The following PCDH11X variants were observed in gnomAD, a reference collection of about 807,000 sequenced individuals.
PCDH11X encodes protocadherin-11 X-linked.
PCDH11X carries 18 observed loss-of-function variants against 53.3 expected under a neutral mutation model. The observed-to-expected ratio is 0.34, with a 90% CI of 0.23 to 0.50. The LOEUF is 0.50. Among genes scored for constraint, PCDH11X ranks in the 20% least tolerant of loss-of-function variants. The probability of loss-of-function intolerance (pLI) is 0.98; values close to 1 mark genes in which losing one functional copy is unlikely to be tolerated. For synonymous variants in PCDH11X, 279 were observed against 393.3 expected (o/e 0.71, Z 3.44); for missense variants, 570 against 1,032.4 (o/e 0.55, Z 6.14).
intron 6 of PCDH11X, among the ~76,000 whole-genome samples, chrX:91,967,325 C>A (rs2061880852): frequency 9.1e-6 from 1 of 110,434 alleles, no homozygotes; most frequent in Non-Finnish European, 1.9e-5. Context: ...CCAGGCTGCA[C>A]AGCAGGAGGT....
chrX:92,272,031 T>G (rs1263934133), intron 8 of PCDH11X, among the ~76,000 whole-genome samples: 1 of 111,955 alleles, frequency 8.9e-6, no homozygotes, highest in African/African-American at 3.2e-5. Context: ...ATCTTTTCTG[T>G]TTTTATGACA....
intron 6 of PCDH11X, among the ~76,000 whole-genome samples, chrX:91,933,770 G>A (rs919373813): frequency 2.7e-5 from 3 of 111,294 alleles, no homozygotes; most frequent in Admixed American, 9.6e-5. Flanking sequence ...GGGAAAGTTG[G>A]TGTGAAGAAA....
At chrX:92,052,285 A>T (rs928047663) in intron 6 of PCDH11X, among the ~76,000 whole-genome samples, 79 of 106,761 alleles carry the variant, frequency 7.4e-4, no homozygotes, top group Non-Finnish European at 1.3e-3. Flanking sequence ...CAATCCCAAT[A>T]AAGTCCAGTT....
At chrX:91,937,718 G>A (rs1258966831) in intron 6 of PCDH11X, among the ~76,000 whole-genome samples, 1 of 110,871 alleles carries the variant, frequency 9.0e-6, no homozygotes, top group African/African-American at 3.3e-5. Flanking sequence ...TGTCTTTAGC[G>A]ACTGTATAAG....
chrX:91,984,907 C>A (rs968278205), intron 6 of PCDH11X, among the ~76,000 whole-genome samples: 1 of 111,321 alleles, frequency 9.0e-6, no homozygotes, highest in African/African-American at 3.3e-5. Context: ...AAGACCTTAG[C>A]CTTGTGCCTT....
intron 8 of PCDH11X, among the ~76,000 whole-genome samples, chrX:92,345,764 C>T (rs1318375549): frequency 9.1e-6 from 1 of 110,194 alleles, no homozygotes; most frequent in Non-Finnish European, 1.9e-5. Context: ...TTTGAAGTTA[C>T]TCTGCAAGTT....
intron 7 of PCDH11X, among the ~76,000 whole-genome samples, chrX:92,208,535 A>ATG (rs1337314624): frequency 6.5e-5 from 5 of 76,669 alleles, no homozygotes; most frequent in Non-Finnish European, 1.3e-4. Flanking sequence ...ATATATATAT[A>ATG]TACAATTTTT....
chrX:92,425,239 A>G (rs1186731136), intron 9 of PCDH11X, among the ~76,000 whole-genome samples: 1 of 111,007 alleles, frequency 9.0e-6, no homozygotes, highest in Non-Finnish European at 1.9e-5. Flanking sequence ...GACTGGAGCA[A>G]AAAGAAGGAG....
intron 6 of PCDH11X, among the ~76,000 whole-genome samples, chrX:91,919,482 T>G (rs1941676071): frequency 9.0e-6 from 1 of 111,673 alleles, no homozygotes; most frequent in Non-Finnish European, 1.9e-5. Context: ...ATCAGGCTGA[T>G]TTGAAATCAG....
chrX:92,388,078 A>T, intron 9 of PCDH11X, 145 bp downstream of exon 9: 1 of 719,257 alleles, frequency 1.4e-6, no homozygotes, highest in Non-Finnish European at 2.1e-6. Context: ...ACAGAATTAG[A>T]TGGATGGCAA....
rs748377599 is a variant in PCDH11X, at chrX:91,824,043, C to T, written c.-44-11418C>T. Among the ~76,000 whole-genome samples the T allele has an allele frequency of 7.8e-3, 872 of 111,482 alleles. 6 individuals carry two copies. The highest frequency in any genetic ancestry group is 0.023 in the African/African-American group (692 of 30,651). On this transcript the variant is annotated intron_variant, in intron 4 of 10. Coordinates refer to ENST00000682573, the MANE Select transcript of PCDH11X (RefSeq NM_032968.5). The stretch of plus-strand genomic sequence containing the variant: ...CTTGTAGGGTTTCTGCCGAGAGATC[C>T]GCTGTTAGTCTGATGGGCTTCCCTA...
chrX:92,208,587 C>A (rs779322768), intron 7 of PCDH11X, among the ~76,000 whole-genome samples: 1 of 87,029 alleles, frequency 1.1e-5, no homozygotes, highest in East Asian at 3.7e-4. Flanking sequence ...GTATAGTTTT[C>A]TATTCAGCTA....
At chrX:92,189,655 A>C (rs1451512506) in intron 6 of PCDH11X, among the ~76,000 whole-genome samples, 1 of 111,986 alleles carries the variant, frequency 8.9e-6, no homozygotes, top group Non-Finnish European at 1.9e-5. Flanking sequence ...CTTCCACAAT[A>C]GTTAAACTAA....
At chrX:92,520,477 C>CTTTT (rs2074352688) in intron 10 of PCDH11X, among the ~76,000 whole-genome samples, 1 of 46,563 alleles carries the variant, frequency 2.1e-5, no homozygotes, top group African/African-American at 8.8e-5. Context: ...GTGGCTGTGG[C>CTTTT]ATTTTTTTTT....
intron 8 of PCDH11X, among the ~76,000 whole-genome samples, chrX:92,318,719 C>T (rs2069134008): frequency 9.0e-6 from 1 of 111,141 alleles, no homozygotes; most frequent in East Asian, 2.8e-4. Context: ...GTTTCACTGT[C>T]TTTCTAATCA....
At chrX:92,281,862 T>C (rs1322611964) in intron 8 of PCDH11X, among the ~76,000 whole-genome samples, 5 of 111,750 alleles carry the variant, frequency 4.5e-5, no homozygotes, top group East Asian at 2.8e-4. Flanking sequence ...AATTCTTTCA[T>C]TCAACAAACT....
chrX:92,292,687 C>T (rs1439413487), intron 8 of PCDH11X, among the ~76,000 whole-genome samples: 1 of 111,650 alleles, frequency 9.0e-6, no homozygotes, highest in Non-Finnish European at 1.9e-5. Flanking sequence ...TGCACACCTC[C>T]CTGCCAGCAC....
chrX:92,387,028 ACTT>A (rs772859052), intron 8 of PCDH11X, among the ~76,000 whole-genome samples: 1 of 100,753 alleles, frequency 9.9e-6, no homozygotes, highest in East Asian at 3.0e-4. Flanking sequence ...GATGTTACAA[ACTT>A]CTTCTTTCGG....
chrX:92,175,144 T>C (rs980242549), intron 6 of PCDH11X, among the ~76,000 whole-genome samples: 1 of 110,763 alleles, frequency 9.0e-6, no homozygotes, highest in Admixed American at 9.7e-5. Context: ...CCCAGCTAAT[T>C]TTTTGTATTT....
Sources: allele counts gnomAD v4.1 joint callset (sites outside exome capture counted in the v4.1 genomes callset), GRCh38; gene constraint gnomAD v4.1.1; transcripts MANE v1.5; gene names NCBI Gene and HGNC (gene_info 2026-07-23, HGNC 2026-07-21).